Variants in LIN28B observed in about 807,000 individuals in gnomAD.
The protein encoded by LIN28B is protein lin-28 homolog B.
A neutral mutation model predicts 21.9 loss-of-function variants in LIN28B; 5 were observed. The ratio of observed to expected loss-of-function variants is 0.23; its 90% CI spans 0.12 to 0.48. The LOEUF (loss-of-function observed/expected upper bound fraction) is 0.48, where lower values mean the gene tolerates loss of function less well. LIN28B is among the 20% of genes least tolerant of loss of function. LIN28B has a pLI of 0.98. For missense variants in LIN28B, 245 were observed against 310.5 expected (o/e 0.79, Z 1.58); for synonymous variants, 109 against 111.3 (o/e 0.98, Z 0.13).
chr6:105,006,775 A>C (rs1770824070), intron 2 of LIN28B, among the ~76,000 whole-genome samples: 3 of 152,160 alleles, frequency 2.0e-5, no homozygotes, highest in Non-Finnish European at 4.4e-5. Context: ...TGCTTCCATA[A>C]GTTTTGAAGC....
intron 3 of LIN28B, among the ~76,000 whole-genome samples, chr6:105,063,845 T>G (rs1202915433): frequency 1.4e-4 from 1 of 7,126 alleles, no homozygotes; most frequent in Admixed American, 1.4e-3. Context: ...AGTCTTAAAA[T>G]TTTTTTTTTT....
At chr6:104,948,628 T>C (rs898831077) in intron 2 of LIN28B, among the ~76,000 whole-genome samples, 16 of 152,212 alleles carry the variant, frequency 1.1e-4, no homozygotes, top group African/African-American at 3.9e-4. Context: ...ATTATAAATA[T>C]TTTACAGCTT....
chr6:105,025,603 C>A (rs1408135363), intron 2 of LIN28B, among the ~76,000 whole-genome samples: 1 of 152,118 alleles, frequency 6.6e-6, no homozygotes, highest in Non-Finnish European at 1.5e-5. Flanking sequence ...CAGACCACAT[C>A]TCTATATAAT....
intron 2 of LIN28B, among the ~76,000 whole-genome samples, chr6:105,011,149 C>A (rs988641937): frequency 6.6e-6 from 1 of 152,040 alleles, no homozygotes; most frequent in Non-Finnish European, 1.5e-5. Context: ...ATGCTTACTG[C>A]CCATTACAAA....
Position 104,947,218 on chromosome 6 carries a change from G to A in LIN28B, c.19-3243G>A, listed in dbSNP as rs537338838. Reference sequence around the variant, plus strand: ...TGGCTCACTGCAACCCTTGTCTCCCGGGTTCAGGCAGTTCTCCTGCTTCAG... The same window carrying A: ...TGGCTCACTGCAACCCTTGTCTCCCAGGTTCAGGCAGTTCTCCTGCTTCAG... On this transcript the variant is annotated intron_variant, in intron 2 of 5. Coordinates refer to the LIN28B transcript ENST00000635857. Among the ~76,000 whole-genome samples the A allele has an allele frequency of 4.6e-5, 7 of 152,168 alleles. No homozygotes were observed. In the South Asian group the frequency reaches 1.2e-3, roughly 27 times the overall value.
intron 2 of LIN28B, among the ~76,000 whole-genome samples, chr6:104,992,300 G>A (rs1053794570): frequency 2.6e-5 from 4 of 151,952 alleles, no homozygotes; most frequent in Non-Finnish European, 4.4e-5. Context: ...CAGGTGATCC[G>A]CCCACCTTGG....
rs1196798004 is a variant in LIN28B, at chr6:105,080,142, C to T, written c.*1359C>T. 1 of 152,378 alleles carries T rather than the reference C, an allele frequency of 6.6e-6. No homozygotes were observed. The highest frequency in any genetic ancestry group is 2.4e-5 in the African/African-American group (1 of 41,380). 9.4% of individuals were successfully genotyped at this position (152,378 alleles called of 1,614,324 possible). On this transcript the variant is annotated 3_prime_UTR_variant, in exon 4 of 4. Transcript: ENST00000345080. The stretch of plus-strand genomic sequence containing the variant: ...CAGGGAGAATCTTCTCAGGTTGGTT[C>T]TCGTTAGAGTGATAAACTGGCTAGG...
intron 2 of LIN28B, among the ~76,000 whole-genome samples, chr6:104,991,668 G>A (rs1246885026): frequency 6.6e-6 from 1 of 152,158 alleles, no homozygotes; most frequent in Non-Finnish European, 1.5e-5. Flanking sequence ...AGGCGGCTGG[G>A]AGGTGGAGGT....
chr6:104,967,674 A>AATT (rs199904941), intron 2 of LIN28B, among the ~76,000 whole-genome samples: 17,737 of 148,398 alleles, frequency 0.12, 1,198 homozygotes, highest in African/African-American at 0.19. Flanking sequence ...TTATTTAATT[A>AATT]ATTATTATTA....
At chr6:105,028,378 C>T (rs148640227) in intron 3 of LIN28B, among the ~76,000 whole-genome samples, 1 of 152,252 alleles carries the variant, frequency 6.6e-6, no homozygotes, top group Non-Finnish European at 1.5e-5. Context: ...GCAATGACAG[C>T]ACAATGTGGA....
At chr6:105,005,659 T>C (rs1770802935) in intron 2 of LIN28B, among the ~76,000 whole-genome samples, 1 of 152,146 alleles carries the variant, frequency 6.6e-6, no homozygotes. Flanking sequence ...GCTTCCCCTT[T>C]GCCATCTGCC....
chr6:105,057,114 T>C (rs2114395330), intron 3 of LIN28B, among the ~76,000 whole-genome samples: 1 of 152,320 alleles, frequency 6.6e-6, no homozygotes, highest in East Asian at 1.9e-4. Flanking sequence ...ATATCTATAC[T>C]ATAAAAATTA....
rs201157278 is a variant in LIN28B, at chr6:105,069,463, GC to G, written c.384-8949del. 9.3e-3 allele frequency among the ~76,000 whole-genome samples: 1,416 copies of G among 151,914 alleles called. 24 individuals are homozygous for G. The highest frequency in any genetic ancestry group is 0.032 in the African/African-American group (1,319 of 41,438). On this transcript the variant is annotated intron_variant, in intron 3 of 3. Coordinates refer to ENST00000345080, the MANE Select transcript of LIN28B (RefSeq NM_001004317.4). ...AAATTTGCTGGGTGCAGTGGCTCAC[GC>G]CTCTAATCCCAGCACTTTGGAGAAC... is the stretch of plus-strand genomic sequence containing the variant.
intron 3 of LIN28B, among the ~76,000 whole-genome samples, chr6:105,052,376 G>A (rs1011134319): frequency 2.0e-5 from 3 of 152,088 alleles, no homozygotes; most frequent in Non-Finnish European, 4.4e-5. Context: ...TTTGTAGGCT[G>A]GGAAGTCCAA....
chr6:105,034,508 T>A (rs1771487405), intron 3 of LIN28B, among the ~76,000 whole-genome samples: 1 of 152,012 alleles, frequency 6.6e-6, no homozygotes, highest in Non-Finnish European at 1.5e-5. Flanking sequence ...CTTGGGGAAT[T>A]TCTTTAGTTT....
intron 2 of LIN28B, among the ~76,000 whole-genome samples, chr6:104,945,344 A>G (rs1015970252): frequency 3.9e-5 from 6 of 152,082 alleles, no homozygotes; most frequent in African/African-American, 1.4e-4. Context: ...AATTGAAAAT[A>G]TTTAGAATAC....
chr6:105,060,270 T>C (rs1276074417), intron 3 of LIN28B, among the ~76,000 whole-genome samples: 1 of 151,916 alleles, frequency 6.6e-6, no homozygotes, highest in East Asian at 1.9e-4. Context: ...TTTGTTTGTT[T>C]GTTTCTTTGT....
At chr6:104,992,510 GTGTGTTTT>G (rs1562084922) in intron 2 of LIN28B, among the ~76,000 whole-genome samples, 1 of 113,730 alleles carries the variant, frequency 8.8e-6, no homozygotes, top group African/African-American at 3.0e-5. Flanking sequence ...GTGTGTGTGT[GTGTGTTTT>G]TTTTTTAAAC....
intron 3 of LIN28B, among the ~76,000 whole-genome samples, chr6:105,035,657 A>T (rs896923016): frequency 6.6e-6 from 1 of 152,172 alleles, no homozygotes. Flanking sequence ...AAGTTTAATC[A>T]CTATGGTTTA....
Sources: allele counts gnomAD v4.1 joint callset (sites outside exome capture counted in the v4.1 genomes callset), GRCh38; gene constraint gnomAD v4.1.1; transcripts MANE v1.5; gene names NCBI Gene and HGNC (gene_info 2026-07-23, HGNC 2026-07-21).